The following SYT16 variants were observed in gnomAD, a reference collection of about 807,000 sequenced individuals.
The protein encoded by SYT16 is synaptotagmin-16.
SYT16 carries 42 observed loss-of-function variants against 61.4 expected under a neutral mutation model. The observed-to-expected ratio is 0.68, with a 90% CI of 0.53 to 0.89. The LOEUF (loss-of-function observed/expected upper bound fraction) is 0.89. Among genes scored for constraint, SYT16 ranks in the 40% least tolerant of loss-of-function variants. SYT16 has a pLI of 0.00. For missense variants in SYT16, 804 were observed against 807.3 expected (o/e 1.00, Z 0.05); for synonymous variants, 314 against 302.3 (o/e 1.04, Z -0.40).
At chr14:61,903,823 CT>C (rs1324433221) in intron 1 of SYT16, among the ~76,000 whole-genome samples, 1 of 152,192 alleles carries the variant, frequency 6.6e-6, no homozygotes, top group Non-Finnish European at 1.5e-5. Flanking sequence ...ATGATTCTTG[CT>C]AGCTGCCAGC....
intron 1 of SYT16, among the ~76,000 whole-genome samples, chr14:61,870,020 T>C (rs891931218): frequency 6.6e-6 from 1 of 152,204 alleles, no homozygotes; most frequent in Non-Finnish European, 1.5e-5. Context: ...ATCTTCTAAG[T>C]ATATTAAAAA....
rs2053268702 is a variant in SYT16 at position 62,007,491 on chromosome 14, G to A, written c.523+10949G>A. ...TATTTTGATTTGCATGTTTTAGCAA[G>A]GGTAGATATTAATGAACATGTTAGC... is the stretch of plus-strand genomic sequence containing the variant. On this transcript the variant is annotated intron_variant, in intron 3 of 7. Transcript: ENST00000683842. Among the ~76,000 whole-genome samples the A allele has an allele frequency of 3.9e-5, 6 of 152,148 alleles. No homozygotes were observed. In the South Asian group the frequency reaches 1.2e-3, roughly 31 times the overall value.
intron 1 of SYT16, among the ~76,000 whole-genome samples, chr14:61,914,440 C>T (rs2049043930): frequency 6.6e-6 from 1 of 152,140 alleles, no homozygotes; most frequent in African/African-American, 2.4e-5. Flanking sequence ...CAGTGTTGAC[C>T]TGAAATCCAG....
chr14:61,966,539 A>G (rs993332115), intron 1 of SYT16, among the ~76,000 whole-genome samples: 6 of 152,148 alleles, frequency 3.9e-5, no homozygotes, highest in African/African-American at 1.2e-4. Flanking sequence ...TGAGGTCTTT[A>G]CAATTTTATA....
intron 1 of SYT16, among the ~76,000 whole-genome samples, chr14:61,873,109 T>C (rs996190536): frequency 6.6e-6 from 1 of 152,206 alleles, no homozygotes; most frequent in African/African-American, 2.4e-5. Flanking sequence ...AACTAAAATA[T>C]TGATTATAGA....
At chr14:62,025,784 T>C (rs2054080043) in intron 3 of SYT16, among the ~76,000 whole-genome samples, 1 of 152,140 alleles carries the variant, frequency 6.6e-6, no homozygotes, top group African/African-American at 2.4e-5. Context: ...TTATTGCTGG[T>C]CTATTTTAGT....
chr14:62,053,220 T>C (rs573979069), intron 3 of SYT16, among the ~76,000 whole-genome samples: 2 of 152,252 alleles, frequency 1.3e-5, no homozygotes, highest in Non-Finnish European at 2.9e-5. Flanking sequence ...TCCATTCTGA[T>C]GAAGTCTCAG....
intron 1 of SYT16, among the ~76,000 whole-genome samples, chr14:61,887,612 T>C (rs1308613261): frequency 1.3e-5 from 2 of 152,258 alleles, no homozygotes; most frequent in African/African-American, 4.8e-5. Context: ...CTGCAGCTTC[T>C]ACATCAGCAC....
intron 3 of SYT16, among the ~76,000 whole-genome samples, chr14:62,028,518 T>G (rs1206868389): frequency 6.6e-6 from 1 of 152,216 alleles, no homozygotes; most frequent in African/African-American, 2.4e-5. Context: ...TGTTATGGTC[T>G]CTCTATACAG....
intron 7 of SYT16, among the ~76,000 whole-genome samples, chr14:62,094,057 G>C: frequency 6.6e-6 from 1 of 152,102 alleles, no homozygotes; most frequent in Admixed American, 6.5e-5. Flanking sequence ...TTATTGCTTG[G>C]GTGGGAGTGG....
chr14:61,936,229 C>A lies in SYT16; in HGVS notation c.-324-33903C>A, dbSNP rs181735098. ...GATTGAGAGTCAGAGTGGGGTTATG[C>A]GCTGCCTCTTTTTGATGGTTTCTAG... On this transcript the variant is annotated intron_variant, in intron 1 of 7. Coordinates refer to ENST00000683842, the MANE Select transcript of SYT16 (RefSeq NM_001367656.1). Among the ~76,000 whole-genome samples, 4 of 152,204 alleles carry A rather than the reference C, an allele frequency of 2.6e-5. No homozygotes were observed. The East Asian group carries it at 5.8e-4, about 22-fold the overall frequency.
In SYT16 at chr14:61,960,335, G is replaced by A. The variant is rs569516396; in HGVS notation, c.-324-9797G>A. 3.9e-5 allele frequency among the ~76,000 whole-genome samples: 6 copies of A among 152,190 alleles called. No homozygotes were observed. In the South Asian group the frequency reaches 1.0e-3, roughly 26 times the overall value. The stretch of plus-strand genomic sequence containing the variant: ...ATATTGATTCTTCCTACCCATGAGC[G>A]TGGAATGTTTTCCTGTTTGTTTGTG... On this transcript the variant is annotated intron_variant, in intron 1 of 7. Transcript: ENST00000683842.
At chr14:61,846,432 C>T (rs1165567704) in intron 1 of SYT16, among the ~76,000 whole-genome samples, 1 of 152,106 alleles carries the variant, frequency 6.6e-6, no homozygotes, top group South Asian at 2.1e-4. Flanking sequence ...TCTCCTCTTA[C>T]AGTTTTTGTC....
chr14:61,879,375 A>G (rs1344717033), intron 1 of SYT16, among the ~76,000 whole-genome samples: 1 of 152,196 alleles, frequency 6.6e-6, no homozygotes, highest in Non-Finnish European at 1.5e-5. Flanking sequence ...TGCTTGTCAT[A>G]CTTTCATCTC....
chr14:62,016,015 G>T (rs1331434864), intron 3 of SYT16, among the ~76,000 whole-genome samples: 1 of 152,142 alleles, frequency 6.6e-6, no homozygotes, highest in Non-Finnish European at 1.5e-5. Context: ...CACAGGTGTG[G>T]CTAACATGGT....
intron 3 of SYT16, among the ~76,000 whole-genome samples, chr14:62,034,875 G>C (rs1259965073): frequency 1.3e-5 from 2 of 152,132 alleles, no homozygotes; most frequent in African/African-American, 4.8e-5. Context: ...CAATAAAGCT[G>C]TTTTTTAAAA....
intron 2 of SYT16, among the ~76,000 whole-genome samples, chr14:61,982,113 G>T (rs2140566074): frequency 6.6e-6 from 1 of 152,198 alleles, no homozygotes; most frequent in Non-Finnish European, 1.5e-5. Context: ...TTTAGTAGAA[G>T]CTCTGGAGCC....
chr14:62,013,647 C>T (rs954334027), intron 3 of SYT16, among the ~76,000 whole-genome samples: 1 of 152,088 alleles, frequency 6.6e-6, no homozygotes, highest in Non-Finnish European at 1.5e-5. Context: ...TTCAACTTTA[C>T]CTGACTTATT....
intron 4 of SYT16, among the ~76,000 whole-genome samples, chr14:62,073,791 T>C (rs902921992): frequency 1.8e-4 from 27 of 152,182 alleles, no homozygotes; most frequent in African/African-American, 6.5e-4. Flanking sequence ...TATTGCTGCA[T>C]ACCTGGCTGC....
Sources: gnomAD v4.1 joint callset for allele counts (sites outside exome capture counted in the v4.1 genomes callset) on GRCh38, gnomAD v4.1.1 for gene constraint, MANE v1.5 for transcripts, NCBI Gene and HGNC (gene_info 2026-07-23, HGNC 2026-07-21) for gene names.